Variants in STIM1 observed in about 807,000 individuals in gnomAD.
STIM1 encodes the protein stromal interaction molecule 1.
STIM1 carries 25 observed loss-of-function variants against 74.7 expected under a neutral mutation model. The ratio of observed to expected loss-of-function variants is 0.33; its 90% confidence interval spans 0.24 to 0.47. The LOEUF is 0.47. Among genes scored for constraint, STIM1 ranks in the 20% least tolerant of loss-of-function variants. The pLI is 1.00. For missense variants in STIM1, 728 were observed against 920.8 expected (o/e 0.79, Z 2.71); for synonymous variants, 328 against 348.8 (o/e 0.94, Z 0.66).
chr11:3,856,222 G>C lies in STIM1; in HGVS notation c.-49G>C. 6.2e-7 allele frequency: 1 copy of C among 1,612,502 alleles called. No individual in the cohort carries two copies. Among genetic ancestry groups the C allele is most frequent in the South Asian group, 1.1e-5 (1 of 91,064 alleles). On this transcript the variant is annotated 5_prime_UTR_variant, in exon 1 of 13. Transcript: ENST00000526596. ...TCCCGGGCTCCTGGCTTTGCCTCTG[G>C]GATCCCGAGGTGTCCACATCAGACG...
chr11:3,895,683 C>CTTCCTTCCTTCCTTCT (rs2092083651), intron 1 of STIM1, among the ~76,000 whole-genome samples: 1 of 37,966 alleles, frequency 2.6e-5, no homozygotes, highest in African/African-American at 1.3e-4. Flanking sequence ...TCCTTCCTTC[C>CTTCCTTCCTTCCTTCT]TTCTTTCTTT....
intron 1 of STIM1, among the ~76,000 whole-genome samples, chr11:3,866,420 T>C (rs1312991214): frequency 1.3e-5 from 2 of 149,012 alleles, no homozygotes; most frequent in Non-Finnish European, 3.0e-5. Flanking sequence ...AAGAGGCAGC[T>C]TGCTATGTCT....
At chr11:3,895,761 TTC>T (rs2092126199) in intron 1 of STIM1, among the ~76,000 whole-genome samples, 3 of 74,414 alleles carry the variant, frequency 4.0e-5, no homozygotes, top group Non-Finnish European at 7.1e-5. Flanking sequence ...CCTTCCTTCC[TTC>T]CTTCCTTCCT....
rs575194591 is a variant in STIM1 at position 4,032,092 on chromosome 11, G to A, written c.385+8105G>A. On this transcript the variant is annotated intron_variant, in intron 3 of 12. Coordinates refer to ENST00000526596, the MANE Select transcript of STIM1 (RefSeq NM_001382567.1). ...ACTTACTTCTTTATTGTGCTTACAC[G>A]TGGTCCCAATTGTTCTAGAACCATT... is the stretch of plus-strand genomic sequence containing the variant. Among the ~76,000 whole-genome samples the A allele has an allele frequency of 2.0e-5, 3 of 152,284 alleles. No homozygotes were observed. The East Asian group carries it at 5.8e-4, about 29-fold the overall frequency.
chr11:4,017,373 C>T (rs992351604), intron 2 of STIM1, among the ~76,000 whole-genome samples: 2 of 152,184 alleles, frequency 1.3e-5, no homozygotes, highest in Non-Finnish European at 2.9e-5. Flanking sequence ...TTTTCTGACC[C>T]TACTTGTTTT....
chr11:4,051,574 G>A lies in STIM1; in HGVS notation c.386-3952G>A, dbSNP rs73431655. 8.3e-3 allele frequency among the ~76,000 whole-genome samples: 1,258 copies of A among 151,848 alleles called. 16 individuals are homozygous for A. Among genetic ancestry groups the A allele is most frequent in the African/African-American group, 0.029 (1,202 of 41,410 alleles). On this transcript the variant is annotated intron_variant, in intron 3 of 12. Coordinates refer to ENST00000526596, the MANE Select transcript of STIM1 (RefSeq NM_001382567.1). ...GCCAGGATGGTCTTGAACTCTTGAG[G>A]TCAGATGATCCACCTGCCTTCGCCT... is the stretch of plus-strand genomic sequence containing the variant.
chr11:3,892,985 G>A (rs2091944732), intron 1 of STIM1: 2 of 738,956 alleles, frequency 2.7e-6, no homozygotes, highest in East Asian at 2.7e-5. Context: ...GCCCAGGCTG[G>A]TCTTGAACTC....
intron 2 of STIM1, among the ~76,000 whole-genome samples, chr11:3,994,724 G>A (rs1243488209): frequency 6.6e-6 from 1 of 151,922 alleles, no homozygotes; most frequent in East Asian, 1.9e-4. Context: ...CCTCTCACAG[G>A]TGTGAGTCTT....
Position 3,989,511 on chromosome 11 carries a change from C to A in STIM1, c.270+21829C>A. On this transcript the variant is annotated intron_variant, in intron 2 of 12. Transcript: ENST00000526596. ...CGGGATGTCTGTGAGCCGCGGCGCA[C>A]CGAGAGCCTTCGCGAAGCTGGGCTG... The A allele has an allele frequency of 4.9e-6, 3 of 606,948 alleles. No homozygotes were observed. In the East Asian group the frequency reaches 1.0e-4, roughly 21 times the overall value. 37.6% of individuals were successfully genotyped at this position (606,948 alleles called of 1,614,324 possible). A position where few individuals can be genotyped will look rare whatever the true frequency, so the allele number is the denominator to read the frequency against.
chr11:3,978,870 C>G (rs1233857258), intron 2 of STIM1, among the ~76,000 whole-genome samples: 2 of 152,104 alleles, frequency 1.3e-5, no homozygotes, highest in African/African-American at 2.4e-5. Flanking sequence ...GTTCGGGAAG[C>G]TGGCATCAGG....
chr11:3,937,259 C>T (rs2092944036), intron 1 of STIM1, among the ~76,000 whole-genome samples: 1 of 148,550 alleles, frequency 6.7e-6, no homozygotes, highest in South Asian at 2.1e-4. Flanking sequence ...CCACTGCACT[C>T]CATTCTGGGC....
At chr11:3,902,760 G>A (rs1216746379) in intron 1 of STIM1, among the ~76,000 whole-genome samples, 2 of 152,194 alleles carry the variant, frequency 1.3e-5, no homozygotes, top group Non-Finnish European at 2.9e-5. Context: ...CTGCTCTTAG[G>A]CATGACACCA....
intron 3 of STIM1, among the ~76,000 whole-genome samples, chr11:4,033,891 G>A (rs756656329): frequency 2.9e-4 from 44 of 151,918 alleles, no homozygotes; most frequent in Non-Finnish European, 4.3e-4. Context: ...GAGCCACTGT[G>A]CCTGGCTGTT....
chr11:3,966,700 GC>G (rs1373703962), intron 1 of STIM1, among the ~76,000 whole-genome samples: 1 of 152,146 alleles, frequency 6.6e-6, no homozygotes, highest in Admixed American at 6.5e-5. Context: ...TGACCTTGAG[GC>G]CTGGAGAAGA....
chr11:3,961,009 AT>A (rs199832384), intron 1 of STIM1, among the ~76,000 whole-genome samples: 80 of 146,932 alleles, frequency 5.4e-4, no homozygotes, highest in Non-Finnish European at 5.3e-4. Context: ...CTGAAAGGTG[AT>A]TTTTTTTTTT....
chr11:4,059,403 C>G lies in STIM1; in HGVS notation c.613+7C>G. On this transcript the variant is annotated splice_region_variant and intron_variant, in intron 5 of 12. Coordinates refer to ENST00000526596, the MANE Select transcript of STIM1 (RefSeq NM_001382567.1). ...CTCTTTGGGCCTCCTCTCTGTGAGT[C>G]TTGTGTTGAGAAGGGCTACTGCTGT... The G allele has an allele frequency of 6.2e-7, 1 of 1,612,210 alleles. No individual in the cohort carries two copies. The highest frequency in any genetic ancestry group is 8.5e-7 in the Non-Finnish European group (1 of 1,178,440).
At chr11:4,010,447 A>G (rs11030599) in intron 2 of STIM1, among the ~76,000 whole-genome samples, 40,596 of 152,000 alleles carry the variant, frequency 0.27, 6,034 homozygotes, top group South Asian at 0.45. Context: ...CTGGGATTAC[A>G]GGCATGAGCC....
At chr11:3,982,697 AATTAG>A (rs2093518233) in intron 2 of STIM1, among the ~76,000 whole-genome samples, 1 of 152,192 alleles carries the variant, frequency 6.6e-6, no homozygotes, top group Non-Finnish European at 1.5e-5. Flanking sequence ...AATGTTCTAA[AATTAG>A]ATTGTGGTGA....
chr11:3,992,796 C>T (rs907377542), intron 2 of STIM1, among the ~76,000 whole-genome samples: 1 of 152,178 alleles, frequency 6.6e-6, no homozygotes, highest in African/African-American at 2.4e-5. Flanking sequence ...ATCATCTCAT[C>T]CAAAACCTGC....
Sources: allele counts gnomAD v4.1 joint callset (sites outside exome capture counted in the v4.1 genomes callset), GRCh38; gene constraint gnomAD v4.1.1; transcripts MANE v1.5; gene names NCBI Gene and HGNC (gene_info 2026-07-23, HGNC 2026-07-21).